GRID2: variants seen among roughly 807,000 people sequenced by gnomAD.
GRID2 encodes glutamate receptor ionotropic, delta-2.
A neutral mutation model predicts 114.8 loss-of-function variants in GRID2; 33 were observed. The ratio of observed to expected loss-of-function variants is 0.29; its 90% CI spans 0.22 to 0.38. GRID2 has a LOEUF of 0.38. Among genes scored for constraint, GRID2 ranks in the 10% least tolerant of loss-of-function variants. The pLI is 1.00. For missense variants in GRID2, 1,184 were observed against 1,257.7 expected (o/e 0.94, Z 0.89); for synonymous variants, 505 against 449.9 (o/e 1.12, Z -1.55).
intron 1 of GRID2, among the ~76,000 whole-genome samples, chr4:92,551,350 T>C (rs1726578483): frequency 6.6e-6 from 1 of 151,904 alleles, no homozygotes; most frequent in African/African-American, 2.4e-5. Context: ...AATTGAAACT[T>C]AGTGTGAGAA....
At chr4:93,796,183 A>G (rs1405856585) in intron 1 of GRID2, among the ~76,000 whole-genome samples, 1 of 152,144 alleles carries the variant, frequency 6.6e-6, no homozygotes, top group East Asian at 1.9e-4. Flanking sequence ...TGAAGGGACT[A>G]TTTGATTAGG....
intron 4 of GRID2, among the ~76,000 whole-genome samples, chr4:93,186,552 AT>A (rs1560964154): frequency 6.6e-6 from 1 of 152,182 alleles, no homozygotes; most frequent in Non-Finnish European, 1.5e-5. Flanking sequence ...GCTTCTCTAC[AT>A]CTCCCTACAT....
chr4:93,011,033 T>C (rs1490216198), intron 2 of GRID2, among the ~76,000 whole-genome samples: 1 of 151,974 alleles, frequency 6.6e-6, no homozygotes, highest in East Asian at 1.9e-4. Flanking sequence ...TTTGTATGCT[T>C]TCTCCATTGC....
intron 14 of GRID2, among the ~76,000 whole-genome samples, chr4:93,723,290 ATACT>A (rs1325737011): frequency 3.3e-5 from 5 of 152,278 alleles, no homozygotes; most frequent in Non-Finnish European, 7.3e-5. Context: ...CACATGGGAA[ATACT>A]TAATAATTTT....
intron 8 of GRID2, among the ~76,000 whole-genome samples, chr4:93,304,189 C>T (rs1211648651): frequency 1.4e-5 from 2 of 139,318 alleles, no homozygotes; most frequent in Non-Finnish European, 3.1e-5. Context: ...TTCGTAAAAT[C>T]TGAAATTTAA....
intron 2 of GRID2, among the ~76,000 whole-genome samples, chr4:93,007,922 T>C (rs1721721976): frequency 6.7e-6 from 1 of 148,752 alleles, no homozygotes; most frequent in Admixed American, 6.8e-5. Context: ...GCACCTATAA[T>C]CCCAGCTACT....
intron 13 of GRID2, among the ~76,000 whole-genome samples, chr4:93,532,184 A>T (rs1161407682): frequency 6.6e-6 from 1 of 152,264 alleles, no homozygotes. Flanking sequence ...AAAGAATGGG[A>T]TCAATAAACT....
intron 1 of GRID2, among the ~76,000 whole-genome samples, chr4:92,450,236 A>C (rs985416457): frequency 6.6e-6 from 1 of 152,068 alleles, no homozygotes; most frequent in Non-Finnish European, 1.5e-5. Context: ...TGCCTGATGT[A>C]TAATAGGTGC....
At chr4:92,435,781 G>A (rs543381141) in intron 1 of GRID2, among the ~76,000 whole-genome samples, 1 of 152,284 alleles carries the variant, frequency 6.6e-6, no homozygotes, top group Non-Finnish European at 1.5e-5. Context: ...GATTGATTCT[G>A]GAATTGTCTG....
chr4:93,678,841 C>A (rs1725197043), intron 14 of GRID2, among the ~76,000 whole-genome samples: 1 of 150,948 alleles, frequency 6.6e-6, no homozygotes, highest in African/African-American at 2.5e-5. Flanking sequence ...ATGTAAAGAC[C>A]ATCGAGACTA....
chr4:93,092,128 G>A (rs532465682), intron 3 of GRID2, among the ~76,000 whole-genome samples: 2 of 152,086 alleles, frequency 1.3e-5, no homozygotes, highest in Non-Finnish European at 2.9e-5. Context: ...AACATTTGAG[G>A]AGATTGTTTC....
At chr4:93,052,199 T>G (rs1726783211) in intron 2 of GRID2, among the ~76,000 whole-genome samples, 1 of 151,992 alleles carries the variant, frequency 6.6e-6, no homozygotes, top group South Asian at 2.1e-4. Flanking sequence ...CATGAAAAAT[T>G]ACTGTGATGA....
At chr4:92,823,662 T>G (rs1299375259) in intron 2 of GRID2, among the ~76,000 whole-genome samples, 1 of 152,068 alleles carries the variant, frequency 6.6e-6, no homozygotes, top group Non-Finnish European at 1.5e-5. Context: ...TCTTACATCT[T>G]CCTTAAGTTA....
At chr4:92,506,117 G>A (rs1465873522) in intron 1 of GRID2, among the ~76,000 whole-genome samples, 1 of 151,944 alleles carries the variant, frequency 6.6e-6, no homozygotes, top group African/African-American at 2.4e-5. Context: ...GATAATTTGG[G>A]CAATTTAGTG....
chr4:93,422,313 C>A (rs546553270), intron 9 of GRID2, among the ~76,000 whole-genome samples: 1 of 151,362 alleles, frequency 6.6e-6, no homozygotes, highest in African/African-American at 2.5e-5. Flanking sequence ...TTAATTTCAG[C>A]TAAATTATAT....
chr4:92,415,766 A>G (rs1731581200), intron 1 of GRID2, among the ~76,000 whole-genome samples: 4 of 134,870 alleles, frequency 3.0e-5, no homozygotes, highest in Admixed American at 7.6e-5. Flanking sequence ...ATATATATAT[A>G]TATATATATA....
At chr4:93,007,237 TGAA>T (rs763211128) in intron 2 of GRID2, among the ~76,000 whole-genome samples, 18 of 151,974 alleles carry the variant, frequency 1.2e-4, no homozygotes, top group Non-Finnish European at 2.5e-4. Flanking sequence ...AGGTTATAAC[TGAA>T]GAAAGTTTTT....
intron 8 of GRID2, among the ~76,000 whole-genome samples, chr4:93,266,026 C>G (rs1358759022): frequency 6.6e-6 from 1 of 152,138 alleles, no homozygotes; most frequent in African/African-American, 2.4e-5. Context: ...GGAACTGACT[C>G]TAATAGGACA....
At chr4:93,553,894 A>G (rs1734040077) in intron 13 of GRID2, among the ~76,000 whole-genome samples, 1 of 152,168 alleles carries the variant, frequency 6.6e-6, no homozygotes, top group Non-Finnish European at 1.5e-5. Flanking sequence ...TATTATACTT[A>G]CTCAACTGTA....
Sources: gnomAD v4.1 joint callset for allele counts (sites outside exome capture counted in the v4.1 genomes callset) on GRCh38, gnomAD v4.1.1 for gene constraint, MANE v1.5 for transcripts, NCBI Gene and HGNC (gene_info 2026-07-23, HGNC 2026-07-21) for gene names.